DIAPH3: variants seen among roughly 807,000 people sequenced by gnomAD.
The protein encoded by DIAPH3 is protein diaphanous homolog 3.
Under a neutral mutation model 144.3 loss-of-function variants are expected in DIAPH3, and 117 were observed. That is an observed-to-expected ratio of 0.81 (90% CI 0.70 to 0.95). The LOEUF is 0.95. DIAPH3 is among the 40% of genes least tolerant of loss of function. The pLI, the probability that DIAPH3 is intolerant of heterozygous loss-of-function variation, is 0.00. For missense variants in DIAPH3, 1,421 were observed against 1,412.7 expected (o/e 1.01, Z -0.09); for synonymous variants, 519 against 488.9 (o/e 1.06, Z -0.81).
chr13:59,837,154 C>T (rs1033180427), intron 23 of DIAPH3, among the ~76,000 whole-genome samples: 20 of 152,118 alleles, frequency 1.3e-4, no homozygotes, highest in Non-Finnish European at 2.5e-4. Flanking sequence ...GTTCATATAT[C>T]TGACTTCCAA....
At chr13:59,848,307 C>CTTTTTTTTTTTTTTTTTTTTT (rs71089517) in intron 22 of DIAPH3, among the ~76,000 whole-genome samples, 1 of 128,094 alleles carries the variant, frequency 7.8e-6, no homozygotes, top group Non-Finnish European at 1.6e-5. Context: ...AAAGTCAAAT[C>CTTTTTTTTTTTTTTTTTTTTT]TTTTTTTTTT....
intron 20 of DIAPH3, among the ~76,000 whole-genome samples, chr13:59,906,030 A>C (rs570499191): frequency 6.6e-6 from 1 of 152,306 alleles, no homozygotes; most frequent in Admixed American, 6.5e-5. Flanking sequence ...GGTATCAAAA[A>C]ATGAGTAACT....
intron 4 of DIAPH3, among the ~76,000 whole-genome samples, chr13:60,055,068 C>A (rs2141264051): frequency 6.6e-6 from 1 of 151,864 alleles, no homozygotes; most frequent in East Asian, 1.9e-4. Flanking sequence ...CATTACGTGC[C>A]AAAAACTCTG....
At chr13:60,152,745 A>G (rs1264149715) in intron 1 of DIAPH3, among the ~76,000 whole-genome samples, 3 of 151,956 alleles carry the variant, frequency 2.0e-5, no homozygotes, top group Non-Finnish European at 4.4e-5. Flanking sequence ...ATTTTTTTAA[A>G]GATTGCAAGT....
At chr13:60,016,220 A>C in intron 5 of DIAPH3, 75 bp from the exon 6 acceptor site, 1 of 1,293,876 alleles carries the variant, frequency 7.7e-7, no homozygotes, top group South Asian at 1.2e-5. Flanking sequence ...ACCTACAAGT[A>C]TTTTATATTT....
intron 27 of DIAPH3, among the ~76,000 whole-genome samples, chr13:59,680,300 A>AT (rs141790186): frequency 0.033 from 4,990 of 152,318 alleles, 294 homozygotes; most frequent in African/African-American, 0.11. Flanking sequence ...GTGTTGTTGA[A>AT]TATCAGTGTT....
intron 1 of DIAPH3, among the ~76,000 whole-genome samples, chr13:60,138,896 A>C (rs1030970504): frequency 1.3e-5 from 2 of 151,404 alleles, no homozygotes; most frequent in Non-Finnish European, 3.0e-5. Flanking sequence ...TCTTAATCAT[A>C]ATCTATGGCT....
intron 20 of DIAPH3, among the ~76,000 whole-genome samples, chr13:59,908,603 G>A (rs1482727187): frequency 1.3e-5 from 2 of 151,904 alleles, no homozygotes; most frequent in Non-Finnish European, 2.9e-5. Context: ...TATAATGCAA[G>A]CAACTTGACT....
At chr13:59,860,966 A>G (rs1449180470) in intron 22 of DIAPH3, among the ~76,000 whole-genome samples, 2 of 152,098 alleles carry the variant, frequency 1.3e-5, no homozygotes, top group Non-Finnish European at 2.9e-5. Context: ...ATAACAAAAA[A>G]AGAGAGCACC....
chr13:59,931,534 C>T (rs553648747), intron 17 of DIAPH3, among the ~76,000 whole-genome samples: 7 of 152,240 alleles, frequency 4.6e-5, no homozygotes, highest in Admixed American at 4.6e-4. Flanking sequence ...CCTCTTCCTC[C>T]ATTAGAAGAT....
intron 5 of DIAPH3, among the ~76,000 whole-genome samples, chr13:60,018,850 C>A (rs192144627): frequency 6.6e-6 from 1 of 151,982 alleles, no homozygotes; most frequent in Non-Finnish European, 1.5e-5. Context: ...ACCTGACAAC[C>A]AAAGAAACAA....
intron 4 of DIAPH3, among the ~76,000 whole-genome samples, chr13:60,063,963 T>C (rs757188180): frequency 6.6e-6 from 1 of 152,168 alleles, no homozygotes; most frequent in Non-Finnish European, 1.5e-5. Context: ...TTATACCTCT[T>C]CATCAGAACT....
intron 22 of DIAPH3, among the ~76,000 whole-genome samples, chr13:59,847,512 C>T (rs914186025): frequency 6.6e-6 from 1 of 152,120 alleles, no homozygotes; most frequent in African/African-American, 2.4e-5. Context: ...GTGGGAGAAG[C>T]CCATCTCAAA....
chr13:60,152,269 A>G (rs1275601581), intron 1 of DIAPH3, among the ~76,000 whole-genome samples: 1 of 152,106 alleles, frequency 6.6e-6, no homozygotes, highest in East Asian at 1.9e-4. Flanking sequence ...CTGAACAGGT[A>G]TTCAGTCTTC....
intron 4 of DIAPH3, among the ~76,000 whole-genome samples, chr13:60,063,800 G>A (rs1324251066): frequency 6.6e-6 from 1 of 151,896 alleles, no homozygotes; most frequent in East Asian, 1.9e-4. Context: ...ATGGTGGCAC[G>A]CACCTGTGAT....
intron 1 of DIAPH3, among the ~76,000 whole-genome samples, chr13:60,157,301 G>A (rs1333873724): frequency 6.6e-6 from 1 of 152,072 alleles, no homozygotes; most frequent in East Asian, 1.9e-4. Context: ...TTGTCTTCAG[G>A]CTAGCTATCC....
chr13:59,888,034 A>G (rs2045561383), intron 20 of DIAPH3, among the ~76,000 whole-genome samples: 2 of 151,934 alleles, frequency 1.3e-5, no homozygotes, highest in African/African-American at 4.8e-5. Flanking sequence ...TTCATGTGCT[A>G]TTTTATTACT....
chr13:59,953,005 C>T (rs906454325), intron 17 of DIAPH3, among the ~76,000 whole-genome samples: 1 of 152,026 alleles, frequency 6.6e-6, no homozygotes, highest in Non-Finnish European at 1.5e-5. Flanking sequence ...ATATAAGTAG[C>T]TAACAGTATG....
chr13:59,680,185 C>T (rs2032864458), intron 27 of DIAPH3, among the ~76,000 whole-genome samples: 1 of 152,138 alleles, frequency 6.6e-6, no homozygotes, highest in Non-Finnish European at 1.5e-5. Flanking sequence ...CACACCTACA[C>T]ATTAGGAAAG....
Sources: allele counts gnomAD v4.1 joint callset (sites outside exome capture counted in the v4.1 genomes callset), GRCh38; gene constraint gnomAD v4.1.1; transcripts MANE v1.5; gene names NCBI Gene and HGNC (gene_info 2026-07-23, HGNC 2026-07-21).